POLN: variants seen among roughly 807,000 people sequenced by gnomAD.
The protein encoded by POLN is DNA polymerase N.
Under a neutral mutation model 113.5 loss-of-function variants are expected in POLN, and 108 were observed. The observed-to-expected ratio is 0.95, with a 90% confidence interval of 0.81 to 1.12. The LOEUF is 1.12. POLN is among the 50% of genes most tolerant of loss of function. The probability of loss-of-function intolerance (pLI) is 0.00; values close to 1 mark genes in which losing one functional copy is unlikely to be tolerated. For missense variants in POLN, 1,097 were observed against 1,077.1 expected, an observed-to-expected ratio of 1.02 and a Z score of -0.26; for synonymous variants, 386 against 391.5, an observed-to-expected ratio of 0.99 and a Z score of 0.17.
chr4:2,086,955 T>C (rs1366121754), intron 20 of POLN, among the ~76,000 whole-genome samples: 3 of 152,232 alleles, frequency 2.0e-5, no homozygotes, highest in African/African-American at 7.2e-5. Context: ...CCAGTCTCTC[T>C]GATCCAGCCC....
At position 2,077,435 on chromosome 4, in the gene POLN, G is replaced by T. The variant is rs189643190; in HGVS notation, c.2388-1916C>A. Among the ~76,000 whole-genome samples, 240 of 152,306 alleles carry T rather than the reference G, an allele frequency of 1.6e-3. 1 individual carries two copies. The highest frequency in any genetic ancestry group is 5.5e-3 in the African/African-American group (229 of 41,570). ...GGTACACTGGTGCTCACACCCTCGA[G>T]CAGGCTGCCCCCAGGGAGGGGGAGG... On this transcript the variant is annotated intron_variant, in intron 23 of 25. Transcript: ENST00000511885.
intron 19 of POLN, among the ~76,000 whole-genome samples, chr4:2,101,207 T>C (rs1467658473): frequency 6.6e-6 from 1 of 151,572 alleles, no homozygotes; most frequent in Non-Finnish European, 1.5e-5. Flanking sequence ...ATGAGTCTCA[T>C]AAATAGGAGT....
chr4:2,131,643 T>G (rs1213933447), intron 16 of POLN, among the ~76,000 whole-genome samples: 1 of 152,200 alleles, frequency 6.6e-6, no homozygotes, highest in East Asian at 1.9e-4. Flanking sequence ...AATTTGTATA[T>G]TGTACTTTTA....
chr4:2,133,148 C>CAAAAAAAAAA (rs3045447), intron 16 of POLN, among the ~76,000 whole-genome samples: 2 of 140,686 alleles, frequency 1.4e-5, no homozygotes, highest in Non-Finnish European at 3.1e-5. Context: ...TAAAAAATGG[C>CAAAAAAAAAA]AAAAAAAAAA....
At chr4:2,159,979 G>T (rs1443743404) in intron 13 of POLN, among the ~76,000 whole-genome samples, 3 of 152,168 alleles carry the variant, frequency 2.0e-5, no homozygotes, top group African/African-American at 7.2e-5. Flanking sequence ...CAGTTCTGTG[G>T]AATACATACA....
chr4:2,139,264 G>A (rs563307047), intron 16 of POLN, among the ~76,000 whole-genome samples: 28 of 152,340 alleles, frequency 1.8e-4, no homozygotes, highest in African/African-American at 4.1e-4. Flanking sequence ...AGGGCTGGCC[G>A]GAGCTTGGGG....
intron 7 of POLN, among the ~76,000 whole-genome samples, chr4:2,188,619 A>C (rs982614552): frequency 3.6e-5 from 5 of 137,578 alleles, no homozygotes; most frequent in Admixed American, 1.4e-4. Context: ...CAAAAAACAA[A>C]AAAACAAAAC....
At chr4:2,182,103 C>T (rs374139217) in intron 7 of POLN, among the ~76,000 whole-genome samples, 1 of 152,034 alleles carries the variant, frequency 6.6e-6, no homozygotes, top group East Asian at 1.9e-4. Flanking sequence ...GGAACAGAAT[C>T]AAGAGTCTAG....
At chr4:2,125,310 G>A (rs1047347026) in intron 19 of POLN, among the ~76,000 whole-genome samples, 5 of 152,216 alleles carry the variant, frequency 3.3e-5, no homozygotes, top group African/African-American at 1.2e-4. Context: ...CCATTGGAGA[G>A]GGGGAGGAGG....
chr4:2,145,105 A>G (rs973691649), intron 16 of POLN, among the ~76,000 whole-genome samples: 1 of 152,200 alleles, frequency 6.6e-6, no homozygotes, highest in African/African-American at 2.4e-5. Context: ...TCAGATCGCT[A>G]CCTTAGACCT....
chr4:2,193,273 A>C lies in POLN; in HGVS notation c.952T>G (p.Cys318Gly), dbSNP rs761984809. ...QTMKCKCPVICFNAKDFVRIV... is the reference protein window; with the variant it reads ...QTMKCKCPVIGFNAKDFVRIV... ...CTCACAAAATCCTTAGCATTAAAACAAATAACAGGACATTTACATTTCATT... is the reference window on the plus strand; with the variant it reads ...CTCACAAAATCCTTAGCATTAAAACCAATAACAGGACATTTACATTTCATT... Residue 318 changes from cysteine (C) to glycine (G), a missense_variant, in exon 7 of 26, where the codon TGT becomes GGT. Coordinates refer to ENST00000511885, the MANE Select transcript of POLN (RefSeq NM_181808.4). The C allele has an allele frequency of 1.2e-6, 2 of 1,610,404 alleles. No homozygotes were observed. Among genetic ancestry groups the C allele is most frequent in the Admixed American group, 3.4e-5 (2 of 59,432 alleles).
chr4:2,110,542 A>G (rs1209697820), intron 19 of POLN, among the ~76,000 whole-genome samples: 1 of 152,192 alleles, frequency 6.6e-6, no homozygotes, highest in African/African-American at 2.4e-5. Context: ...ACGCAATAAA[A>G]AATGACAAAG....
At chr4:2,177,192 G>A (rs1374875740) in intron 8 of POLN, 2 of 357,564 alleles carry the variant, frequency 5.6e-6, no homozygotes, top group Non-Finnish European at 1.1e-5. Context: ...CTGACCATGT[G>A]ACTCCTAGTT....
intron 7 of POLN, among the ~76,000 whole-genome samples, chr4:2,183,482 T>G (rs1733193123): frequency 6.6e-6 from 1 of 152,208 alleles, no homozygotes; most frequent in Admixed American, 6.5e-5. Flanking sequence ...ATGCCACAAC[T>G]TGAATGAACC....
At chr4:2,074,717 C>T (rs1730235243) in intron 24 of POLN, among the ~76,000 whole-genome samples, 1 of 152,150 alleles carries the variant, frequency 6.6e-6, no homozygotes, top group Non-Finnish European at 1.5e-5. Flanking sequence ...CCTGACGCCC[C>T]CGTGCCTCTT....
intron 20 of POLN, 113 bp downstream of exon 20, chr4:2,095,738 C>T: frequency 2.1e-6 from 2 of 950,938 alleles, no homozygotes; most frequent in African/African-American, 1.6e-5. Context: ...AGAGCATAAA[C>T]AACACCCAGG....
intron 13 of POLN, among the ~76,000 whole-genome samples, chr4:2,169,853 T>A (rs938583195): frequency 2.0e-5 from 3 of 152,158 alleles, no homozygotes; most frequent in Non-Finnish European, 4.4e-5. Flanking sequence ...TTCAAGTCCC[T>A]CCAGTGGAGC....
chr4:2,114,516 T>G (rs990994564), intron 19 of POLN, among the ~76,000 whole-genome samples: 1 of 152,230 alleles, frequency 6.6e-6, no homozygotes, highest in Non-Finnish European at 1.5e-5. Flanking sequence ...GAGTTCTATA[T>G]TCTACATTCT....
chr4:2,190,750 G>C (rs921739257), intron 7 of POLN, among the ~76,000 whole-genome samples: 4 of 152,002 alleles, frequency 2.6e-5, no homozygotes, highest in African/African-American at 9.7e-5. Context: ...TATACAAAAG[G>C]CCAACAAGAA....
Sources: allele counts gnomAD v4.1 joint callset (sites outside exome capture counted in the v4.1 genomes callset), GRCh38; gene constraint gnomAD v4.1.1; transcripts MANE v1.5; gene names NCBI Gene and HGNC (gene_info 2026-07-23, HGNC 2026-07-21).